Variants in TOPAZ1 observed in about 807,000 individuals in gnomAD.
The protein encoded by TOPAZ1 is protein TOPAZ1.
A neutral mutation model predicts 172.2 loss-of-function variants in TOPAZ1; 66 were observed. The ratio of observed to expected loss-of-function variants is 0.38; its 90% CI spans 0.31 to 0.47. The LOEUF is 0.47. Ranked by LOEUF, TOPAZ1 falls within the 20% of genes least tolerant of loss-of-function variation. The probability of loss-of-function intolerance (pLI) is 0.99; values close to 1 mark genes in which losing one functional copy is unlikely to be tolerated. For missense variants in TOPAZ1, 1,822 were observed against 1,972.4 expected (o/e 0.92, Z 1.44); for synonymous variants, 681 against 683.9 (o/e 1.00, Z 0.07).
At position 44,305,699 on chromosome 3, in the gene TOPAZ1, T is replaced by TA. The variant is rs200653544; in HGVS notation, c.4039+388dup. Among the ~76,000 whole-genome samples, 872 of 149,582 alleles carry TA rather than the reference T, an allele frequency of 5.8e-3. 7 individuals are homozygous for TA. The highest frequency in any genetic ancestry group is 0.02 in the African/African-American group (824 of 40,906). ...AGTGTTCTTAACAAGAATGTAAAACTAAAAAAAAAATTAAAAAAAGAAAGA... is the reference window on the plus strand; with the variant it reads ...AGTGTTCTTAACAAGAATGTAAAACTAAAAAAAAAAATTAAAAAAAGAAAGA... On this transcript the variant is annotated intron_variant, in intron 14 of 19. Transcript: ENST00000309765.
At chr3:44,287,001 G>T (rs1700086873) in intron 9 of TOPAZ1, among the ~76,000 whole-genome samples, 1 of 152,162 alleles carries the variant, frequency 6.6e-6, no homozygotes, top group African/African-American at 2.4e-5. Flanking sequence ...ACAAGCATGG[G>T]TATGTGTCAA....
At chr3:44,289,716 C>G (rs575937393) in intron 11 of TOPAZ1, among the ~76,000 whole-genome samples, 1 of 152,116 alleles carries the variant, frequency 6.6e-6, no homozygotes, top group African/African-American at 2.4e-5. Flanking sequence ...CAGCATCTCA[C>G]ATTATACCTT....
rs1345906639 is a variant in TOPAZ1 at position 44,242,011 on chromosome 3, C to G, written c.-43C>G. 25 of 1,519,838 alleles carry G rather than the reference C, an allele frequency of 1.6e-5. No homozygotes were observed. Among genetic ancestry groups the G allele is most frequent in the Non-Finnish European group, 2.2e-5 (25 of 1,134,236 alleles). 94.1% of individuals were successfully genotyped at this position (1,519,838 alleles called of 1,614,324 possible). The stretch of plus-strand genomic sequence containing the variant: ...GCGTTTGCACCGCGGTGGGTTCCTG[C>G]GAGCTGGTGCAGAGGGGCCCCAGCG... On this transcript the variant is annotated 5_prime_UTR_variant, in exon 1 of 20. Coordinates refer to ENST00000309765, the MANE Select transcript of TOPAZ1 (RefSeq NM_001145030.2).
rs541032940 is a variant in TOPAZ1, at chr3:44,313,568, G to A, written c.4306+3578G>A. Among the ~76,000 whole-genome samples the A allele has an allele frequency of 2.1e-4, 30 of 145,074 alleles. No individual in the cohort carries two copies. In the South Asian group the frequency reaches 5.9e-3, roughly 29 times the overall value. On this transcript the variant is annotated intron_variant, in intron 16 of 19. Coordinates refer to ENST00000309765, the MANE Select transcript of TOPAZ1 (RefSeq NM_001145030.2). ...GGAGGCGGAGCTTGCAGTGAGCCAA[G>A]ATCACGCCACTGCACTCCAGCCTGG...
In TOPAZ1 at chr3:44,296,860, A is replaced by AAG. The variant is rs1553649737; in HGVS notation, c.3797+5975_3797+5976insGA. On this transcript the variant is annotated intron_variant, in intron 12 of 19. Coordinates refer to ENST00000309765, the MANE Select transcript of TOPAZ1 (RefSeq NM_001145030.2). ...CACAGAGAATACCAAAAAAAAAAAA[A>AAG]AAAAGAAAAAAAAAAGAAAAGCAAA... Among the ~76,000 whole-genome samples, 53 of 86,812 alleles carry AAG rather than the reference A, an allele frequency of 6.1e-4. No homozygotes were observed. The East Asian group carries it at 0.012, about 20-fold the overall frequency. 57.0% of individuals were successfully genotyped at this position (86,812 alleles called of 152,430 possible).
chr3:44,300,757 C>G (rs925086092), intron 12 of TOPAZ1, among the ~76,000 whole-genome samples: 112 of 151,848 alleles, frequency 7.4e-4, no homozygotes, highest in African/African-American at 2.7e-3. Context: ...TGTTGAACTC[C>G]TGGGCATTTA....
intron 5 of TOPAZ1, among the ~76,000 whole-genome samples, chr3:44,265,300 G>A (rs189393693): frequency 6.6e-6 from 1 of 152,306 alleles, no homozygotes; most frequent in African/African-American, 2.4e-5. Flanking sequence ...GGTGGCTCAC[G>A]CCTGTAATCC....
At chr3:44,249,394 CAAA>C (rs773745848) in intron 2 of TOPAZ1, among the ~76,000 whole-genome samples, 22 of 151,912 alleles carry the variant, frequency 1.4e-4, no homozygotes, top group Non-Finnish European at 2.4e-4. Flanking sequence ...TTTAGATTAA[CAAA>C]GAAGAAGGAA....
chr3:44,252,274 A>G (rs1699642835), intron 2 of TOPAZ1, among the ~76,000 whole-genome samples: 1 of 152,218 alleles, frequency 6.6e-6, no homozygotes, highest in Non-Finnish European at 1.5e-5. Flanking sequence ...TTACCTCAAT[A>G]TCTCTCATGG....
intron 12 of TOPAZ1, among the ~76,000 whole-genome samples, chr3:44,298,616 A>G (rs1481427917): frequency 6.6e-6 from 1 of 151,714 alleles, no homozygotes; most frequent in African/African-American, 2.4e-5. Flanking sequence ...AACCACTACT[A>G]ATATGTTCAA....
At chr3:44,304,625 A>G (rs1332920998) in intron 13 of TOPAZ1, among the ~76,000 whole-genome samples, 2 of 152,208 alleles carry the variant, frequency 1.3e-5, no homozygotes, top group Non-Finnish European at 2.9e-5. Context: ...GATGTGAACA[A>G]CTTCTTTAGT....
chr3:44,281,736 A>G (rs1575719511), intron 8 of TOPAZ1, among the ~76,000 whole-genome samples: 2 of 152,244 alleles, frequency 1.3e-5, no homozygotes, highest in African/African-American at 4.8e-5. Flanking sequence ...ACATTGGTCA[A>G]TGTGTTTATC....
intron 16 of TOPAZ1, among the ~76,000 whole-genome samples, chr3:44,320,312 C>T (rs368961325): frequency 6.9e-4 from 105 of 152,126 alleles, no homozygotes; most frequent in African/African-American, 2.4e-3. Context: ...AAAAGCTATT[C>T]GCTGGTCGGG....
chr3:44,244,767 T>C lies in TOPAZ1; in HGVS notation c.2261T>C (p.Val754Ala). Reference protein sequence around the residue: ...TLSIRNSVTPVQASSDSFYNK... With the variant: ...TLSIRNSVTPAQASSDSFYNK... Reference sequence around the variant, plus strand: ...AGCATACGAAATAGTGTAACTCCAGTGCAAGCTAGTTCTGACTCATTCTAC... The same window carrying C: ...AGCATACGAAATAGTGTAACTCCAGCGCAAGCTAGTTCTGACTCATTCTAC... The change falls in exon 2 of 20, where the codon GTG (valine) becomes GCG (alanine). Residue 754 changes from valine (V) to alanine (A), a missense_variant. Coordinates refer to ENST00000309765, the MANE Select transcript of TOPAZ1 (RefSeq NM_001145030.2). 1.3e-6 allele frequency: 2 copies of C among 1,551,618 alleles called. No individual in the cohort carries two copies. Among genetic ancestry groups the C allele is most frequent in the African/African-American group, 1.4e-5 (1 of 73,174 alleles).
chr3:44,299,381 G>A (rs370304897), intron 12 of TOPAZ1, among the ~76,000 whole-genome samples: 1 of 152,178 alleles, frequency 6.6e-6, no homozygotes, highest in East Asian at 1.9e-4. Flanking sequence ...TCAGAGAAAT[G>A]CAAATCAAAA....
Position 44,245,264 on chromosome 3 carries a change from G to A in TOPAZ1, c.2758G>A (p.Asp920Asn), listed in dbSNP as rs1217167652. Residue 920 changes from aspartate (D) to asparagine (N), a missense_variant, in exon 2 of 20, where the codon GAC becomes AAC. Coordinates refer to ENST00000309765, the MANE Select transcript of TOPAZ1 (RefSeq NM_001145030.2). ...TCCAGTAAAAAAAGAACCAAGTGAT[G>A]ACTTAAGGTATGCATGTTCAAGTAT... is the stretch of plus-strand genomic sequence containing the variant. ...ETPVKKEPSDDLRELPVLDCG... is the reference protein window; with the variant it reads ...ETPVKKEPSDNLRELPVLDCG... 6 of 1,536,906 alleles carry A rather than the reference G, an allele frequency of 3.9e-6. No individual in the cohort carries two copies. Among genetic ancestry groups the A allele is most frequent in the Non-Finnish European group, 4.4e-6 (5 of 1,142,006 alleles).
intron 16 of TOPAZ1, among the ~76,000 whole-genome samples, chr3:44,316,703 G>T (rs1700455354): frequency 6.6e-6 from 1 of 152,080 alleles, no homozygotes; most frequent in African/African-American, 2.4e-5. Context: ...TCATCTCAAA[G>T]TTACGTATTC....
At chr3:44,284,212 C>T (rs1330724702) in intron 9 of TOPAZ1, among the ~76,000 whole-genome samples, 1 of 152,218 alleles carries the variant, frequency 6.6e-6, no homozygotes, top group East Asian at 1.9e-4. Context: ...TCACCATTAT[C>T]CATTCCCAGA....
At chr3:44,298,594 A>C (rs1355377220) in intron 12 of TOPAZ1, among the ~76,000 whole-genome samples, 4 of 151,938 alleles carry the variant, frequency 2.6e-5, no homozygotes, top group African/African-American at 9.7e-5. Flanking sequence ...GAACAGAGGG[A>C]ATCCAGGAAT....
Sources: gnomAD v4.1 joint callset for allele counts (sites outside exome capture counted in the v4.1 genomes callset) on GRCh38, gnomAD v4.1.1 for gene constraint, MANE v1.5 for transcripts, NCBI Gene and HGNC (gene_info 2026-07-23, HGNC 2026-07-21) for gene names.